The following FER variants were observed in gnomAD, a reference collection of about 807,000 sequenced individuals.
The protein encoded by FER is FER tyrosine kinase.
A neutral mutation model predicts 111.0 loss-of-function variants in FER; 63 were observed. The ratio of observed to expected loss-of-function variants is 0.57; its 90% CI spans 0.46 to 0.70. The LOEUF (loss-of-function observed/expected upper bound fraction) is 0.70. Among genes scored for constraint, FER ranks in the 30% least tolerant of loss-of-function variants. The pLI, the probability that FER is intolerant of heterozygous loss-of-function variation, is 0.00. For synonymous variants in FER, 327 were observed against 313.9 expected (o/e 1.04, Z -0.44); for missense variants, 914 against 954.0 (o/e 0.96, Z 0.55).
At chr5:108,781,175 T>G (rs752299523) in intron 2 of FER, among the ~76,000 whole-genome samples, 77 of 152,184 alleles carry the variant, frequency 5.1e-4, no homozygotes, top group Non-Finnish European at 1.0e-4. Context: ...ACTAGCTCTC[T>G]TTCTTCAGAC....
intron 10 of FER, among the ~76,000 whole-genome samples, chr5:108,933,172 C>T (rs531444367): frequency 3.6e-4 from 55 of 152,210 alleles, no homozygotes; most frequent in African/African-American, 1.1e-3. Context: ...TTTGCCCATG[C>T]CTATGTCCTG....
At chr5:108,906,357 C>T (rs114723223) in intron 10 of FER, among the ~76,000 whole-genome samples, 258 of 152,070 alleles carry the variant, frequency 1.7e-3, no homozygotes, top group African/African-American at 6.1e-3. Flanking sequence ...AAAATGCAAA[C>T]TATTAATTTT....
intron 10 of FER, among the ~76,000 whole-genome samples, chr5:108,932,165 T>G (rs1320182889): frequency 1.3e-5 from 2 of 152,092 alleles, no homozygotes. Context: ...ATGCTATCCC[T>G]CACCTAGCCC....
chr5:109,035,268 C>G (rs957007808), intron 13 of FER, among the ~76,000 whole-genome samples: 9 of 151,860 alleles, frequency 5.9e-5, no homozygotes, highest in African/African-American at 1.2e-4. Flanking sequence ...TATAACCCCC[C>G]GCAAAGTTGC....
intron 17 of FER, among the ~76,000 whole-genome samples, chr5:109,136,133 G>A (rs1232409022): frequency 6.6e-6 from 1 of 151,834 alleles, no homozygotes; most frequent in African/African-American, 2.4e-5. Context: ...GCACTCACCT[G>A]TAATCCCAGC....
At chr5:109,023,030 T>G (rs1581690841) in intron 13 of FER, among the ~76,000 whole-genome samples, 1 of 152,110 alleles carries the variant, frequency 6.6e-6, no homozygotes, top group Non-Finnish European at 1.5e-5. Flanking sequence ...ATCTTTTTTC[T>G]TATGTGTAAA....
intron 16 of FER, among the ~76,000 whole-genome samples, chr5:109,053,745 C>T (rs936473878): frequency 7.3e-6 from 1 of 137,064 alleles, no homozygotes; most frequent in Non-Finnish European, 1.5e-5. Context: ...GGCTGGAGTG[C>T]AGTGGTGCGA....
intron 3 of FER, among the ~76,000 whole-genome samples, chr5:108,807,295 G>A (rs1479543745): frequency 6.6e-6 from 1 of 152,136 alleles, no homozygotes; most frequent in East Asian, 1.9e-4. Flanking sequence ...CCCTGTCTCA[G>A]GTATGTCTTT....
chr5:109,002,115 A>G (rs1183794891), intron 13 of FER, among the ~76,000 whole-genome samples: 1 of 151,412 alleles, frequency 6.6e-6, no homozygotes, highest in Non-Finnish European at 1.5e-5. Flanking sequence ...AGAATTGGAA[A>G]AAACTACTTT....
chr5:108,835,195 C>CCCG (rs1055929713), intron 4 of FER, among the ~76,000 whole-genome samples: 7 of 126,976 alleles, frequency 5.5e-5, no homozygotes, highest in African/African-American at 2.3e-4. Flanking sequence ...CCCCCCCCCC[C>CCCG]CCACTTTTTT....
At chr5:108,896,383 A>G (rs1749098238) in intron 9 of FER, among the ~76,000 whole-genome samples, 1 of 152,208 alleles carries the variant, frequency 6.6e-6, no homozygotes, top group Admixed American at 6.5e-5. Context: ...AACCAGCATG[A>G]ACTTATGAAG....
At chr5:109,076,859 G>T (rs1266684532) in intron 16 of FER, among the ~76,000 whole-genome samples, 2 of 152,176 alleles carry the variant, frequency 1.3e-5, no homozygotes, top group African/African-American at 2.4e-5. Context: ...CTGTATTTCA[G>T]ACACTGGTAA....
chr5:109,161,595 C>G (rs1582322737), intron 17 of FER, among the ~76,000 whole-genome samples: 1 of 152,068 alleles, frequency 6.6e-6, no homozygotes, highest in Non-Finnish European at 1.5e-5. Context: ...AGCTACATAG[C>G]ATTCCATGAT....
chr5:109,065,391 G>GAA (rs2149978112), intron 16 of FER, among the ~76,000 whole-genome samples: 1 of 152,222 alleles, frequency 6.6e-6, no homozygotes, highest in South Asian at 2.1e-4. Flanking sequence ...CCAAATAAAA[G>GAA]CCATGATCTG....
chr5:109,169,979 T>C (rs1255919696), intron 17 of FER, among the ~76,000 whole-genome samples: 1 of 152,108 alleles, frequency 6.6e-6, no homozygotes, highest in Non-Finnish European at 1.5e-5. Flanking sequence ...ATAATTAGGG[T>C]GTATTTATTC....
At chr5:108,889,186 C>T (rs1328415147) in intron 9 of FER, among the ~76,000 whole-genome samples, 1 of 151,750 alleles carries the variant, frequency 6.6e-6, no homozygotes, top group Non-Finnish European at 1.5e-5. Flanking sequence ...GCTACCATGC[C>T]ATCCAGCAAT....
intron 1 of FER, among the ~76,000 whole-genome samples, chr5:108,749,647 C>T (rs982755221): frequency 1.3e-5 from 2 of 152,166 alleles, no homozygotes; most frequent in African/African-American, 2.4e-5. Context: ...CTTTCTCCTC[C>T]GGTCTTGGCC....
chr5:109,034,577 T>C (rs1770102619), intron 13 of FER, among the ~76,000 whole-genome samples: 1 of 152,124 alleles, frequency 6.6e-6, no homozygotes, highest in Non-Finnish European at 1.5e-5. Flanking sequence ...TGACATGGCT[T>C]CTTTTCTTAA....
intron 17 of FER, among the ~76,000 whole-genome samples, chr5:109,176,714 T>C (rs1424490324): frequency 1.3e-5 from 2 of 152,174 alleles, no homozygotes; most frequent in Admixed American, 1.3e-4. Context: ...TATACACATA[T>C]CAAAATATCA....
Sources: allele counts gnomAD v4.1 joint callset (sites outside exome capture counted in the v4.1 genomes callset), GRCh38; gene constraint gnomAD v4.1.1; transcripts MANE v1.5; gene names NCBI Gene and HGNC (gene_info 2026-07-23, HGNC 2026-07-21).